The following TENM1 variants were observed in gnomAD, a reference collection of about 807,000 sequenced individuals.
TENM1 encodes the protein teneurin-1.
In TENM1, 35 loss-of-function variants were observed where a neutral mutation model predicts 174.8. The observed-to-expected ratio is 0.20, with a 90% CI of 0.15 to 0.27. The LOEUF is 0.27. TENM1 is among the 10% of genes least tolerant of loss of function. The pLI, the probability that TENM1 is intolerant of heterozygous loss-of-function variation, is 1.00. For synonymous variants in TENM1, 781 were observed against 798.7 expected (o/e 0.98, Z 0.37); for missense variants, 1,633 against 2,130.1 (o/e 0.77, Z 4.59).
chrX:124,826,618 G>A (rs757595326), intron 3 of TENM1, among the ~76,000 whole-genome samples: 1 of 111,666 alleles, frequency 9.0e-6, no homozygotes, highest in South Asian at 3.7e-4. Flanking sequence ...TCCAAATTAT[G>A]TAAAAAATTC....
At chrX:124,753,657 C>T (rs764347925) in intron 3 of TENM1, among the ~76,000 whole-genome samples, 23 of 110,604 alleles carry the variant, frequency 2.1e-4, no homozygotes, top group Middle Eastern at 4.6e-3. Flanking sequence ...TTTTGAGATA[C>T]GTCCCATTAA....
At chrX:124,412,222 CTGTGTGCATGTGCACTTGAGTGAGTGTG>C (rs1235136880) in intron 25 of TENM1, 1 of 113,041 alleles carries the variant, frequency 8.8e-6, no homozygotes, top group Non-Finnish European at 1.9e-5. Flanking sequence ...CTGTCATAGG[CTGTGTGCATGTGCACTTGAGTGAGTGTG>C]TGTGTGCATG....
At chrX:125,147,227 C>T in the TENM1 span, among the ~76,000 whole-genome samples, 2 of 108,796 alleles carry the variant, frequency 1.8e-5, no homozygotes, top group African/African-American at 6.7e-5. Context: ...CACATGTATG[C>T]ATATGTGTAT....
intron 11 of TENM1, among the ~76,000 whole-genome samples, chrX:124,618,273 C>T (rs1484069961): frequency 1.8e-5 from 2 of 111,485 alleles, no homozygotes; most frequent in Non-Finnish European, 3.8e-5. Context: ...ACCTGTGTTG[C>T]TTTCTAGACT....
At chrX:125,035,131 A>G in the TENM1 span, among the ~76,000 whole-genome samples, 5 of 111,759 alleles carry the variant, frequency 4.5e-5, no homozygotes, top group African/African-American at 1.6e-4. Flanking sequence ...AGTAAAATAA[A>G]TGGAATTTAC....
chrX:124,790,012 G>A (rs1014415248), intron 3 of TENM1, among the ~76,000 whole-genome samples: 1 of 112,034 alleles, frequency 8.9e-6, no homozygotes, highest in Non-Finnish European at 1.9e-5. Flanking sequence ...ACATGGCTGA[G>A]AAGGCCTTAT....
chrX:124,699,977 G>T (rs190612803), intron 5 of TENM1, among the ~76,000 whole-genome samples: 1 of 111,675 alleles, frequency 9.0e-6, no homozygotes, highest in Non-Finnish European at 1.9e-5. Flanking sequence ...CTATAAGAGT[G>T]AATTGGAAGA....
intron 15 of TENM1, among the ~76,000 whole-genome samples, chrX:124,538,961 T>C (rs1414472540): frequency 9.0e-6 from 1 of 111,512 alleles, no homozygotes; most frequent in African/African-American, 3.3e-5. Context: ...CATGCATGAG[T>C]TAAGTGGTCT....
chrX:124,954,403 C>G (rs1262903745), intron 1 of TENM1, among the ~76,000 whole-genome samples: 1 of 111,943 alleles, frequency 8.9e-6, no homozygotes, highest in East Asian at 2.8e-4. Context: ...TTCCCTTCTC[C>G]AATACTGGGT....
chrX:125,172,693 G>C, the TENM1 span, among the ~76,000 whole-genome samples: 4 of 29,206 alleles, frequency 1.4e-4, no homozygotes, highest in Admixed American at 9.0e-4. Context: ...ATCTATTATA[G>C]ACTTTTGTGT....
intron 22 of TENM1, among the ~76,000 whole-genome samples, chrX:124,466,788 T>C (rs1318944585): frequency 2.7e-5 from 3 of 111,348 alleles, no homozygotes; most frequent in Non-Finnish European, 5.7e-5. Context: ...CTTGCCCCAA[T>C]TCATTAAATA....
intron 23 of TENM1, among the ~76,000 whole-genome samples, chrX:124,442,444 T>C (rs889133798): frequency 8.9e-6 from 1 of 112,007 alleles, no homozygotes; most frequent in East Asian, 2.8e-4. Flanking sequence ...GATCTAATTC[T>C]GTTCTCTTTC....
the TENM1 span, among the ~76,000 whole-genome samples, chrX:125,003,864 T>C: frequency 9.0e-6 from 1 of 111,636 alleles, no homozygotes; most frequent in Non-Finnish European, 1.9e-5. Flanking sequence ...AAGCATGCCT[T>C]GAGTGGGTCG....
chrX:124,795,940 A>G (rs751083526), intron 3 of TENM1, among the ~76,000 whole-genome samples: 1 of 111,027 alleles, frequency 9.0e-6, no homozygotes, highest in East Asian at 2.8e-4. Flanking sequence ...TTTAAAGATT[A>G]GTAAGGGTTA....
rs192388306 is a variant in TENM1 at position 124,463,562 on chromosome X, A to G, written c.3950-10071T>C. ...ACCCTTGTCAGTAGGAGAGCACCCT[A>G]TGTTAGATTCACCATAGAGACAATT... is the stretch of plus-strand genomic sequence containing the variant. On this transcript the variant is annotated intron_variant, in intron 22 of 31. Coordinates refer to ENST00000422452, the Ensembl canonical transcript of TENM1. Among the ~76,000 whole-genome samples, 3 of 111,411 alleles carry G rather than the reference A, an allele frequency of 2.7e-5. No homozygotes were observed. In the East Asian group the frequency reaches 8.5e-4, roughly 32 times the overall value.
chrX:124,618,845 C>T (rs993685497), intron 11 of TENM1, among the ~76,000 whole-genome samples: 13 of 112,407 alleles, frequency 1.2e-4, no homozygotes, highest in African/African-American at 4.2e-4. Flanking sequence ...CTTAGGGAGG[C>T]TGAGGCAGAA....
At chrX:125,074,429 T>A in the TENM1 span, among the ~76,000 whole-genome samples, 122 of 109,646 alleles carry the variant, frequency 1.1e-3, no homozygotes, top group Non-Finnish European at 2.0e-3. Context: ...CCACACCATA[T>A]CCTACCATCT....
intron 6 of TENM1, among the ~76,000 whole-genome samples, chrX:124,669,895 T>C (rs889149818): frequency 2.7e-5 from 3 of 112,036 alleles, no homozygotes; most frequent in Non-Finnish European, 3.8e-5. Context: ...TTTCATTGTG[T>C]AAAAAGTTTT....
At position 124,555,707 on chromosome X, in the gene TENM1, C is replaced by T. The variant is rs1602655773; in HGVS notation, c.2434+5964G>A. Among the ~76,000 whole-genome samples, 11 of 111,561 alleles carry T rather than the reference C, an allele frequency of 9.9e-5. 4 individuals carry two copies. In the Admixed American group the frequency reaches 1.0e-3, roughly 11 times the overall value. ...TTATGAAAAGTTAATGGGGACAATG[C>T]CCCAAAGAAATCAGCAGTTCACAAA... On this transcript the variant is annotated intron_variant, in intron 14 of 31. Transcript: ENST00000422452.
Sources: gnomAD v4.1 joint callset for allele counts (sites outside exome capture counted in the v4.1 genomes callset) on GRCh38, gnomAD v4.1.1 for gene constraint, MANE v1.5 for transcripts, NCBI Gene and HGNC (gene_info 2026-07-23, HGNC 2026-07-21) for gene names.